The following SLC8A1 variants were observed in gnomAD, a reference collection of about 807,000 sequenced individuals.
SLC8A1 encodes solute carrier family 8 member A1, also known as sodium/calcium exchanger 1.
A neutral mutation model predicts 68.3 loss-of-function variants in SLC8A1; 18 were observed. The ratio of observed to expected loss-of-function variants is 0.26; its 90% CI spans 0.18 to 0.39. The LOEUF (loss-of-function observed/expected upper bound fraction) is 0.39. SLC8A1 is among the 10% of genes least tolerant of loss of function. The probability of loss-of-function intolerance (pLI) is 1.00; values close to 1 mark genes in which losing one functional copy is unlikely to be tolerated. For missense variants in SLC8A1, 985 were observed against 1,156.7 expected (o/e 0.85, Z 2.15); for synonymous variants, 475 against 415.5 (o/e 1.14, Z -1.74).
intron 2 of SLC8A1, among the ~76,000 whole-genome samples, chr2:40,354,617 T>G (rs1369474236): frequency 6.6e-6 from 1 of 152,218 alleles, no homozygotes; most frequent in East Asian, 1.9e-4. Context: ...GGGTTGCTTC[T>G]TCTGTAAGTT....
At chr2:40,308,057 CT>C (rs944173837) in intron 2 of SLC8A1, among the ~76,000 whole-genome samples, 9 of 152,204 alleles carry the variant, frequency 5.9e-5, no homozygotes, top group Non-Finnish European at 1.3e-4. Context: ...TAAACAAACA[CT>C]TTTCAAGCAA....
chr2:40,403,878 C>G (rs1193844742), intron 2 of SLC8A1, among the ~76,000 whole-genome samples: 1 of 152,110 alleles, frequency 6.6e-6, no homozygotes, highest in Non-Finnish European at 1.5e-5. Context: ...CCTGACAGTG[C>G]CATATGTACC....
chr2:40,264,937 A>C (rs543522937), intron 2 of SLC8A1, among the ~76,000 whole-genome samples: 2 of 152,346 alleles, frequency 1.3e-5, no homozygotes, highest in East Asian at 3.9e-4. Flanking sequence ...GCAGGTAAGA[A>C]AACTGAGGCT....
chr2:40,423,442 C>T (rs1003961020), intron 2 of SLC8A1, among the ~76,000 whole-genome samples: 1 of 152,006 alleles, frequency 6.6e-6, no homozygotes, highest in Non-Finnish European at 1.5e-5. Flanking sequence ...TCTTAGCCCA[C>T]TGATGGCCAC....
chr2:40,335,234 ATAATG>A (rs1359668670), intron 2 of SLC8A1, among the ~76,000 whole-genome samples: 1 of 152,252 alleles, frequency 6.6e-6, no homozygotes, highest in East Asian at 1.9e-4. Context: ...AGAAATTTAA[ATAATG>A]TAAAGACAAA....
chr2:40,299,608 T>C (rs1256916708), intron 2 of SLC8A1, among the ~76,000 whole-genome samples: 1 of 152,162 alleles, frequency 6.6e-6, no homozygotes, highest in Non-Finnish European at 1.5e-5. Flanking sequence ...TTTGGACTTG[T>C]AAGGGTGATG....
intron 6 of SLC8A1, among the ~76,000 whole-genome samples, chr2:40,158,459 T>C (rs113670373): frequency 2.5e-3 from 377 of 152,352 alleles, no homozygotes; most frequent in Admixed American, 3.8e-3. Context: ...TTCTAAGCAA[T>C]TGTGCCTTAT....
chr2:40,280,251 TAAAAAAAAAAA>T (rs67427562), intron 2 of SLC8A1, among the ~76,000 whole-genome samples: 1 of 94,472 alleles, frequency 1.1e-5, no homozygotes, highest in Non-Finnish European at 2.0e-5. Flanking sequence ...AAATAAACAC[TAAAAAAAAAAA>T]AAAAAAAAAA....
chr2:40,331,883 G>A (rs1293280879), intron 2 of SLC8A1, among the ~76,000 whole-genome samples: 1 of 152,102 alleles, frequency 6.6e-6, no homozygotes, highest in East Asian at 1.9e-4. Flanking sequence ...GTGAGCCACC[G>A]TGACCGGCCT....
intron 2 of SLC8A1, among the ~76,000 whole-genome samples, chr2:40,365,295 T>C (rs928906286): frequency 1.3e-5 from 2 of 152,238 alleles, no homozygotes; most frequent in East Asian, 1.9e-4. Context: ...CAGCTATACA[T>C]TGACATATCA....
intron 1 of SLC8A1, among the ~76,000 whole-genome samples, chr2:40,481,200 A>G (rs1704605795): frequency 6.6e-6 from 1 of 152,218 alleles, no homozygotes; most frequent in African/African-American, 2.4e-5. Flanking sequence ...AACATAGTTT[A>G]CCATAGGGAG....
chr2:40,221,752 C>T (rs1028860083), intron 2 of SLC8A1, among the ~76,000 whole-genome samples: 9 of 152,190 alleles, frequency 5.9e-5, no homozygotes, highest in African/African-American at 1.7e-4. Flanking sequence ...AGAGCCAAAT[C>T]ATGAGTGAAC....
intron 2 of SLC8A1, among the ~76,000 whole-genome samples, chr2:40,352,876 C>T (rs781667837): frequency 3.0e-4 from 45 of 152,258 alleles, no homozygotes; most frequent in African/African-American, 6.5e-4. Flanking sequence ...TCTCCAGTCA[C>T]GTCTGTATCC....
chr2:40,188,033 G>T (rs762068441), intron 2 of SLC8A1, among the ~76,000 whole-genome samples: 2 of 152,118 alleles, frequency 1.3e-5, no homozygotes, highest in African/African-American at 2.4e-5. Flanking sequence ...CCATTTCTCT[G>T]CTCAGTGAAA....
intron 1 of SLC8A1, among the ~76,000 whole-genome samples, chr2:40,508,712 C>G (rs1706519802): frequency 6.6e-6 from 1 of 152,144 alleles, no homozygotes; most frequent in African/African-American, 2.4e-5. Flanking sequence ...GTCGATAAAA[C>G]TTCCAAAGAA....
At chr2:40,273,558 T>C (rs2066318346) in intron 2 of SLC8A1, among the ~76,000 whole-genome samples, 1 of 152,190 alleles carries the variant, frequency 6.6e-6, no homozygotes, top group South Asian at 2.1e-4. Context: ...GGACAACCAG[T>C]ATGGAAAGCC....
intron 1 of SLC8A1, among the ~76,000 whole-genome samples, chr2:40,466,914 AT>A (rs1703706686): frequency 6.6e-6 from 1 of 151,964 alleles, no homozygotes; most frequent in Non-Finnish European, 1.5e-5. Context: ...AGCATTAAAT[AT>A]AAAAGTGCCC....
chr2:40,103,438 G>T (rs1183321382), exon 8 of SLC8A1: 1 of 152,090 alleles, frequency 6.6e-6, no homozygotes, highest in African/African-American at 2.4e-5. Flanking sequence ...AAAGACAGTT[G>T]AATCTGTAGC....
chr2:40,215,878 T>C (rs905926077), intron 2 of SLC8A1, among the ~76,000 whole-genome samples: 1 of 152,024 alleles, frequency 6.6e-6, no homozygotes, highest in African/African-American at 2.4e-5. Flanking sequence ...AGTTCTCAGC[T>C]CCAAAACCAG....
Sources: allele counts gnomAD v4.1 joint callset (sites outside exome capture counted in the v4.1 genomes callset), GRCh38; gene constraint gnomAD v4.1.1; transcripts MANE v1.5; gene names NCBI Gene and HGNC (gene_info 2026-07-23, HGNC 2026-07-21).